Variants in OSBPL9 observed in about 807,000 individuals in gnomAD.
The protein encoded by OSBPL9 is oxysterol-binding protein-related protein 9.
In OSBPL9, 40 loss-of-function variants were observed where a neutral mutation model predicts 106.6. The ratio of observed to expected loss-of-function variants is 0.38; its 90% CI spans 0.29 to 0.49. The LOEUF (loss-of-function observed/expected upper bound fraction) is 0.49. OSBPL9 is among the 20% of genes least tolerant of loss of function. The probability of loss-of-function intolerance (pLI) is 0.97; values close to 1 mark genes in which losing one functional copy is unlikely to be tolerated. For synonymous variants in OSBPL9, 269 were observed against 295.4 expected (o/e 0.91, Z 0.92); for missense variants, 609 against 887.2 (o/e 0.69, Z 3.98).
chr1:51,637,544 G>T (rs972316608), intron 1 of OSBPL9, among the ~76,000 whole-genome samples: 19 of 152,140 alleles, frequency 1.2e-4, no homozygotes. Flanking sequence ...ATCATTGTGA[G>T]AATTAAATAA....
At chr1:51,691,866 G>A (rs982116174) in intron 3 of OSBPL9, among the ~76,000 whole-genome samples, 5 of 151,678 alleles carry the variant, frequency 3.3e-5, no homozygotes, top group Non-Finnish European at 5.9e-5. Context: ...ATCTTGTCCC[G>A]CTGGAAGGTT....
intron 3 of OSBPL9, among the ~76,000 whole-genome samples, chr1:51,677,069 A>T (rs1651419264): frequency 2.6e-5 from 4 of 152,216 alleles, no homozygotes; most frequent in Admixed American, 2.6e-4. Context: ...CAGAGCCAAG[A>T]TTCGTGCACA....
Position 51,617,996 on chromosome 1 carries a change from T to TTGTGTGTGTGTGTGTG in OSBPL9, c.111+788_111+803dup, listed in dbSNP as rs58221259. 3.8e-3 allele frequency among the ~76,000 whole-genome samples: 557 copies of TTGTGTGTGTGTGTGTG among 145,758 alleles called. 5 individuals are homozygous for TTGTGTGTGTGTGTGTG. The highest frequency in any genetic ancestry group is 0.014 in the African/African-American group (535 of 39,432). On this transcript the variant is annotated intron_variant, in intron 1 of 23. Transcript: ENST00000428468. The stretch of plus-strand genomic sequence containing the variant: ...ATGAATTGCTGTGAATCTTACGTGG[T>TTGTGTGTGTGTGTGTG]TGTGTGTGTGTGTGTGTGTGTGTGT...
intron 1 of OSBPL9, among the ~76,000 whole-genome samples, chr1:51,619,703 T>C (rs1039791049): frequency 2.0e-5 from 3 of 152,186 alleles, no homozygotes; most frequent in Admixed American, 2.0e-4. Context: ...GGGAAAAGGA[T>C]AGATATTTAC....
intron 4 of OSBPL9, among the ~76,000 whole-genome samples, chr1:51,741,482 T>C (rs1201606113): frequency 6.7e-6 from 1 of 148,380 alleles, no homozygotes; most frequent in Non-Finnish European, 1.5e-5. Flanking sequence ...TTTCCTTTCC[T>C]TCCCTTTTTT....
At chr1:51,683,553 G>A (rs972624106) in intron 3 of OSBPL9, among the ~76,000 whole-genome samples, 3 of 151,286 alleles carry the variant, frequency 2.0e-5, no homozygotes, top group Non-Finnish European at 4.4e-5. Flanking sequence ...AGTACCTTGG[G>A]AAGCTGAGGT....
intron 16 of OSBPL9, 53 bp downstream of exon 16, chr1:51,781,388 AT>A: frequency 6.5e-7 from 1 of 1,532,804 alleles, no homozygotes; most frequent in East Asian, 2.3e-5. Flanking sequence ...CTGATTCAAG[AT>A]TTTATTTAGG....
At chr1:51,554,316 C>T in the OSBPL9 span, among the ~76,000 whole-genome samples, 2 of 152,128 alleles carry the variant, frequency 1.3e-5, no homozygotes, top group Non-Finnish European at 2.9e-5. Flanking sequence ...TAACATATTT[C>T]AACAATTCTA....
the OSBPL9 span, chr1:51,519,277 G>C: frequency 1.3e-5 from 16 of 1,217,184 alleles, no homozygotes; most frequent in Non-Finnish European, 1.5e-5. Flanking sequence ...GGGCTGACTG[G>C]GGCTCGGGGC....
chr1:51,519,084 C>T, the OSBPL9 span: 1 of 673,262 alleles, frequency 1.5e-6, no homozygotes, highest in Non-Finnish European at 2.3e-6. Flanking sequence ...GCCGCCCGGC[C>T]CACAAGCCAA....
chr1:51,760,549 T>G, intron 9 of OSBPL9, 141 bp from the exon 10 acceptor site: 1 of 1,220,956 alleles, frequency 8.2e-7, no homozygotes. Flanking sequence ...AGAAAAGGTG[T>G]TTCATTCCCT....
rs1234315234 is a variant in OSBPL9 at position 51,761,803 on chromosome 1, T to A, written c.674-64T>A. On this transcript the variant is annotated intron_variant, in intron 10 of 23. Coordinates refer to ENST00000428468, the MANE Select transcript of OSBPL9 (RefSeq NM_024586.6). Reference sequence around the variant, plus strand: ...TTTAGGATTTTGAATCCCAGACAATTACAGTCAATAGAATGTGTGTTTGGC... The same window carrying A: ...TTTAGGATTTTGAATCCCAGACAATAACAGTCAATAGAATGTGTGTTTGGC... 1.1e-5 allele frequency: 13 copies of A among 1,228,528 alleles called. No individual in the cohort carries two copies. The South Asian group carries it at 1.5e-4, about 14-fold the overall frequency. 76.1% of individuals were successfully genotyped at this position (1,228,528 alleles called of 1,614,324 possible). A position where few individuals can be genotyped will look rare whatever the true frequency, so the allele number is the denominator to read the frequency against.
In OSBPL9 at chr1:51,729,905, GA is replaced by G; in HGVS notation, c.319-15626del. The G allele has an allele frequency of 7.8e-7, 1 of 1,281,488 alleles. No individual in the cohort carries two copies. Among genetic ancestry groups the G allele is most frequent in the Non-Finnish European group, 9.9e-7 (1 of 1,006,302 alleles). 79.4% of individuals were successfully genotyped at this position (1,281,488 alleles called of 1,614,324 possible). A position where few individuals can be genotyped will look rare whatever the true frequency, so the allele number is the denominator to read the frequency against. The stretch of plus-strand genomic sequence containing the variant: ...TCCGGGGATCGGGTCGAGGGGAGAA[GA>G]AAAAGGGGTGCTCGGGAGCAGCCCC... On this transcript the variant is annotated intron_variant, in intron 4 of 23. Transcript: ENST00000428468. This position sits in a 1 kb window ranked among gnomAD's most constrained non-coding sequence, Gnocchi z 5.1.
At chr1:51,591,075 A>C (rs1438282079) in intron 1 of OSBPL9, among the ~76,000 whole-genome samples, 1 of 151,772 alleles carries the variant, frequency 6.6e-6, no homozygotes, top group African/African-American at 2.4e-5. Flanking sequence ...CCTGCCACCA[A>C]GCCCAGCTAA....
chr1:51,683,183 G>A (rs181151626), intron 3 of OSBPL9, among the ~76,000 whole-genome samples: 28 of 150,554 alleles, frequency 1.9e-4, no homozygotes, highest in Admixed American at 1.6e-3. Flanking sequence ...TTGAGACCAG[G>A]TTTTTCTTTT....
chr1:51,697,852 C>A (rs1308021653), intron 3 of OSBPL9, among the ~76,000 whole-genome samples: 2 of 149,678 alleles, frequency 1.3e-5, no homozygotes, highest in African/African-American at 4.9e-5. Flanking sequence ...TCCATATAAA[C>A]CAGGCATTAT....
In OSBPL9 at chr1:51,711,317, C is replaced by A. The variant is rs182231905; in HGVS notation, c.242-2686C>A. Among the ~76,000 whole-genome samples, 55 of 147,784 alleles carry A rather than the reference C, an allele frequency of 3.7e-4. 2 individuals are homozygous for A. The highest frequency in any genetic ancestry group is 1.3e-4 in the Non-Finnish European group (9 of 66,876). ...GGTGCCCCTCACCTCCCGGACGGGGCGGCTGGCCGGGCAGGGGGCTGACCC... is the reference window on the plus strand; with the variant it reads ...GGTGCCCCTCACCTCCCGGACGGGGAGGCTGGCCGGGCAGGGGGCTGACCC... On this transcript the variant is annotated intron_variant, in intron 3 of 23. Transcript: ENST00000428468.
the OSBPL9 span, among the ~76,000 whole-genome samples, chr1:51,534,091 C>T: frequency 6.6e-6 from 1 of 151,614 alleles, no homozygotes; most frequent in Admixed American, 6.6e-5. Flanking sequence ...GTAGTCCCAG[C>T]TACTCAGGAG....
At chr1:51,705,051 A>G (rs1183606674) in intron 3 of OSBPL9, among the ~76,000 whole-genome samples, 3 of 152,110 alleles carry the variant, frequency 2.0e-5, no homozygotes, top group Non-Finnish European at 4.4e-5. Flanking sequence ...CTTTTGCACA[A>G]ATAAGAAAAT....
Sources: allele counts gnomAD v4.1 joint callset (sites outside exome capture counted in the v4.1 genomes callset), GRCh38; gene constraint gnomAD v4.1.1; non-coding constraint Gnocchi (gnomAD v3.1); transcripts MANE v1.5; gene names NCBI Gene and HGNC (gene_info 2026-07-23, HGNC 2026-07-21).